Variants in FMN2 observed in about 807,000 individuals in gnomAD.
FMN2 encodes the protein formin 2.
FMN2 carries 51 observed loss-of-function variants against 142.3 expected under a neutral mutation model. That is an observed-to-expected ratio of 0.36 (90% CI 0.29 to 0.45). The LOEUF is 0.45. Among genes scored for constraint, FMN2 ranks in the 20% least tolerant of loss-of-function variants. The pLI, the probability that FMN2 is intolerant of heterozygous loss-of-function variation, is 1.00. For missense variants in FMN2, 1,936 were observed against 2,122.8 expected, an observed-to-expected ratio of 0.91 and a Z score of 1.73; for synonymous variants, 882 against 869.8, an observed-to-expected ratio of 1.01 and a Z score of -0.25.
At chr1:240,132,982 C>T (rs1662800329) in intron 2 of FMN2, among the ~76,000 whole-genome samples, 1 of 152,134 alleles carries the variant, frequency 6.6e-6, no homozygotes. Flanking sequence ...TGTCCAAAGA[C>T]ATTTGGGGTT....
intron 16 of FMN2, among the ~76,000 whole-genome samples, chr1:240,467,643 C>G (rs966378975): frequency 6.6e-6 from 1 of 152,104 alleles, no homozygotes; most frequent in Non-Finnish European, 1.5e-5. Context: ...AAAGATAGTA[C>G]CGTAAAGGGG....
At chr1:240,142,786 T>A (rs886459060) in intron 2 of FMN2, 10 of 1,589,478 alleles carry the variant, frequency 6.3e-6, no homozygotes, top group Non-Finnish European at 8.6e-6. Flanking sequence ...GACACTGGGG[T>A]TGTATGTGTC....
At chr1:240,143,378 T>A in intron 2 of FMN2, 1 of 1,437,742 alleles carries the variant, frequency 7.0e-7, no homozygotes, top group Non-Finnish European at 9.8e-7. Flanking sequence ...CATAGTGCCG[T>A]CTCTGCACCA....
chr1:240,106,952 G>A (rs912732196), intron 1 of FMN2, among the ~76,000 whole-genome samples: 9 of 151,560 alleles, frequency 5.9e-5, no homozygotes, highest in African/African-American at 2.2e-4. Flanking sequence ...CCAAAGTGCC[G>A]GTTTTACAGG....
chr1:240,386,163 T>C (rs1224368490), intron 14 of FMN2, among the ~76,000 whole-genome samples: 2 of 152,132 alleles, frequency 1.3e-5, no homozygotes, highest in African/African-American at 4.8e-5. Context: ...ACCTGACTTT[T>C]AGTTCATTGT....
At chr1:240,426,679 CAGATAT>C (rs1674944501) in intron 15 of FMN2, among the ~76,000 whole-genome samples, 1 of 152,150 alleles carries the variant, frequency 6.6e-6, no homozygotes, top group African/African-American at 2.4e-5. Context: ...AAATCCCCAA[CAGATAT>C]AATTTCATCC....
At chr1:240,260,037 A>C (rs1457744653) in intron 7 of FMN2, among the ~76,000 whole-genome samples, 1 of 152,204 alleles carries the variant, frequency 6.6e-6, no homozygotes, top group African/African-American at 2.4e-5. Flanking sequence ...TTCACTTAGA[A>C]TAATAGTCCC....
chr1:240,135,346 T>C (rs918324201), intron 2 of FMN2, among the ~76,000 whole-genome samples: 12 of 152,206 alleles, frequency 7.9e-5, no homozygotes, highest in Non-Finnish European at 1.3e-4. Flanking sequence ...GAAATCTGCT[T>C]ACTGAGTTTT....
intron 15 of FMN2, among the ~76,000 whole-genome samples, chr1:240,435,494 ATATT>A (rs1035110028): frequency 3.3e-4 from 50 of 151,780 alleles, no homozygotes; most frequent in Non-Finnish European, 5.4e-4. Context: ...ATATATATTT[ATATT>A]TATTTAATAT....
intron 1 of FMN2, among the ~76,000 whole-genome samples, chr1:240,094,684 C>T (rs916223473): frequency 3.9e-5 from 6 of 151,936 alleles, no homozygotes; most frequent in Admixed American, 6.6e-5. Context: ...TTTAATGAAT[C>T]GAAAAATATG....
At chr1:240,361,052 A>G (rs372326411) in intron 14 of FMN2, among the ~76,000 whole-genome samples, 1 of 150,884 alleles carries the variant, frequency 6.6e-6, no homozygotes, top group Non-Finnish European at 1.5e-5. Context: ...GCACACCAAC[A>G]TGGCACATGT....
At chr1:240,099,934 A>ATATCTCTTCCGTGCCTTGC (rs1661358626) in intron 1 of FMN2, among the ~76,000 whole-genome samples, 1 of 152,130 alleles carries the variant, frequency 6.6e-6, no homozygotes, top group Non-Finnish European at 1.5e-5. Context: ...CTGTCCACAG[A>ATATCTCTTCCGTGCCTTGC]TATCTCTTCC....
Position 240,302,734 on chromosome 1 carries a change from A to G in FMN2, c.4215+7851A>G, listed in dbSNP as rs561132839. Among the ~76,000 whole-genome samples the G allele has an allele frequency of 2.6e-5, 4 of 152,214 alleles. No homozygotes were observed. The East Asian group carries it at 7.7e-4, about 29-fold the overall frequency. ...CTCTTTCAAAACCAGTTTTCCAACCATCAGACACATTAATGGGTCCAACAC... is the reference window on the plus strand; with the variant it reads ...CTCTTTCAAAACCAGTTTTCCAACCGTCAGACACATTAATGGGTCCAACAC... On this transcript the variant is annotated intron_variant, in intron 8 of 17. Transcript: ENST00000319653.
At chr1:240,418,292 C>T (rs535189720) in intron 15 of FMN2, among the ~76,000 whole-genome samples, 2 of 151,602 alleles carry the variant, frequency 1.3e-5, no homozygotes, top group Non-Finnish European at 1.5e-5. Context: ...CTCCACCTCC[C>T]GGGTTCAAGT....
chr1:240,137,518 A>G (rs1008992507), intron 2 of FMN2, among the ~76,000 whole-genome samples: 1 of 152,232 alleles, frequency 6.6e-6, no homozygotes, highest in Admixed American at 6.5e-5. Flanking sequence ...CTCATGTAAT[A>G]CATAGATAGT....
intron 8 of FMN2, among the ~76,000 whole-genome samples, chr1:240,320,537 A>G (rs906408686): frequency 6.6e-6 from 1 of 152,202 alleles, no homozygotes; most frequent in African/African-American, 2.4e-5. Flanking sequence ...ACCGATAGCT[A>G]AAAGTAGAGG....
At chr1:240,297,705 C>T (rs992472104) in intron 8 of FMN2, among the ~76,000 whole-genome samples, 1 of 151,844 alleles carries the variant, frequency 6.6e-6, no homozygotes, top group African/African-American at 2.4e-5. Context: ...TGGATAGCTA[C>T]CCAGAATCTT....
intron 8 of FMN2, among the ~76,000 whole-genome samples, chr1:240,307,641 G>A (rs1428301924): frequency 6.6e-6 from 1 of 152,180 alleles, no homozygotes; most frequent in Non-Finnish European, 1.5e-5. Context: ...GGTAACTGTA[G>A]CCTTGAAGTA....
rs1405125155 is a variant in FMN2, at chr1:240,207,265, G to C, written c.2453G>C (p.Trp818Ser). 1 of 1,613,920 alleles carries C rather than the reference G, an allele frequency of 6.2e-7. No homozygotes were observed. The highest frequency in any genetic ancestry group is 8.5e-7 in the Non-Finnish European group (1 of 1,179,920). Residue 818 changes from tryptophan to serine, a missense_variant, in exon 5 of 18, where the codon TGG (tryptophan) becomes TCG (serine). Coordinates refer to ENST00000319653, the MANE Select transcript of FMN2 (RefSeq NM_020066.5). ...CCTCCACCACCTCCATCCCTTCTGT[G>C]GTCTGCTGGGCAAGGACAGCCTGGG... Reference protein sequence around the residue: ...SQPPPPPSLLWSAGQGQPGSQ... With the variant: ...SQPPPPPSLLSSAGQGQPGSQ...
Sources: gnomAD v4.1 joint callset for allele counts (sites outside exome capture counted in the v4.1 genomes callset) on GRCh38, gnomAD v4.1.1 for gene constraint, MANE v1.5 for transcripts, NCBI Gene and HGNC (gene_info 2026-07-23, HGNC 2026-07-21) for gene names.